The following CCDC180 variants were observed in gnomAD, a reference collection of about 807,000 sequenced individuals.
CCDC180 encodes coiled-coil domain containing 180.
A neutral mutation model predicts 209.2 loss-of-function variants in CCDC180; 154 were observed. The ratio of observed to expected loss-of-function variants is 0.74; its 90% confidence interval spans 0.65 to 0.84. The LOEUF (loss-of-function observed/expected upper bound fraction) is 0.84. CCDC180 is among the 40% of genes least tolerant of loss of function. The pLI, the probability that CCDC180 is intolerant of heterozygous loss-of-function variation, is 0.00. For missense variants in CCDC180, 1,874 were observed against 1,997.3 expected, an observed-to-expected ratio of 0.94 and a Z score of 1.18; for synonymous variants, 778 against 749.1, an observed-to-expected ratio of 1.04 and a Z score of -0.63.
chr9:97,318,498 C>T lies in CCDC180; in HGVS notation c.995C>T (p.Pro332Leu), dbSNP rs200586749. The change falls in exon 10 of 37, where the codon CCG (proline) becomes CTG (leucine). Residue 332 changes from proline (P) to leucine (L), a missense_variant. Physicochemically the swap from Pro to Leu is moderately conservative, Grantham distance 98. Transcript: ENST00000529487. Reference protein sequence around the residue: ...FMASESIHTPPAVTKELEVML... With the variant: ...FMASESIHTPLAVTKELEVML... ...GCCAGTGAGAGTATCCATACTCCCC[C>T]GGCTGTGACGAAGGAGCTAGAGGTC... 1,294 of 1,613,744 alleles carry T rather than the reference C, an allele frequency of 8.0e-4. 6 individuals are homozygous for T. Among genetic ancestry groups the T allele is most frequent in the Middle Eastern group, 5.0e-4 (3 of 6,060 alleles).
chr9:97,313,486 C>CT, intron 5 of CCDC180, 141 bp downstream of exon 5: 1 of 562,918 alleles, frequency 1.8e-6, no homozygotes, highest in African/African-American at 1.9e-5. Flanking sequence ...GGAACCCTCT[C>CT]TGAGTGCCTG....
chr9:97,348,088 C>T (rs1305334793), intron 20 of CCDC180, among the ~76,000 whole-genome samples: 1 of 143,850 alleles, frequency 7.0e-6, no homozygotes, highest in Non-Finnish European at 1.5e-5. Flanking sequence ...ATGCATTTCA[C>T]ACCTATGTGG....
rs374087551 is a variant in CCDC180, at chr9:97,375,559, G to T, written c.4812G>T (p.Ala1604=). ...CCAAAACCACCCTGGGCCACCTGGC[G>T]GCCGTGGAAGCCCGAGATGCTGTGT... The part of the protein sequence containing the change: ...STTKTTLGHL[A]AVEARDAVYL... Residue 1604 remains alanine, a synonymous_variant, in exon 36 of 37, where the codon GCG becomes GCT. Transcript: ENST00000529487. The T allele has an allele frequency of 1.2e-6, 2 of 1,614,228 alleles. No individual in the cohort carries two copies.
At position 97,309,437 on chromosome 9, in the gene CCDC180, G is replaced by A. The variant is rs759190211; in HGVS notation, c.93G>A (p.Ala31=). 1.1e-5 allele frequency: 17 copies of A among 1,600,096 alleles called. No homozygotes were observed. Among genetic ancestry groups the A allele is most frequent in the Admixed American group, 1.7e-5 (1 of 57,980 alleles). Residue 31 remains alanine (A), a synonymous_variant, in exon 3 of 37, where the codon GCG becomes GCA. Transcript: ENST00000529487. ...QAEVQLVHSL[A]ATRKRAAERS... ...AGGTGCAGCTGGTCCACTCCCTGGC[G>A]GCCACCAGGAAGCGGGCTGCAGAGC...
chr9:97,350,236 A>C (rs1481880341), intron 21 of CCDC180, among the ~76,000 whole-genome samples, 173 bp from the exon 22 acceptor site: 2 of 119,310 alleles, frequency 1.7e-5, no homozygotes, highest in Admixed American at 8.6e-5. Flanking sequence ...TGCCCCTCCC[A>C]TGTCCCCAGG....
chr9:97,376,724 C>G (rs1025608035), intron 36 of CCDC180, 39 bp from the exon 37 acceptor site: 2 of 1,600,676 alleles, frequency 1.2e-6, no homozygotes, highest in Non-Finnish European at 8.5e-7. Context: ...GTCCAGATGT[C>G]TCTCCTCATG....
Position 97,318,933 on chromosome 9 carries a change from T to C in CCDC180, c.1079+351T>C, listed in dbSNP as rs138949305. Among the ~76,000 whole-genome samples the C allele has an allele frequency of 1.8e-3, 274 of 152,254 alleles. 5 individuals are homozygous for C. Among genetic ancestry groups the C allele is most frequent in the South Asian group, 4.4e-3 (21 of 4,814 alleles). On this transcript the variant is annotated intron_variant, in intron 10 of 36. Coordinates refer to ENST00000529487, the MANE Select transcript of CCDC180 (RefSeq NM_020893.6). The stretch of plus-strand genomic sequence containing the variant: ...GGGAGCAGAGTGGCTCCATGAGCTT[T>C]GCAGTTTGGAGGTATGTGTCAGAGG...
chr9:97,371,814 A>T, intron 34 of CCDC180, 108 bp downstream of exon 34: 1 of 587,038 alleles, frequency 1.7e-6, no homozygotes, highest in Non-Finnish European at 3.0e-6. Context: ...CAAGTGATCC[A>T]TTGAGGGGAC....
Position 97,354,577 on chromosome 9 carries a change from C to T in CCDC180, c.3011C>T (p.Ser1004Leu). The T allele has an allele frequency of 6.2e-7, 1 of 1,614,068 alleles. No homozygotes were observed. The highest frequency in any genetic ancestry group is 8.5e-7 in the Non-Finnish European group (1 of 1,179,960). Residue 1004 changes from serine to leucine, a missense_variant, in exon 23 of 37, where the codon TCA becomes TTA. By Grantham distance (145) the Ser-to-Leu change is moderately radical. Coordinates refer to ENST00000529487, the MANE Select transcript of CCDC180 (RefSeq NM_020893.6). ...TCTTTGATTATTTTCAGATTGTTTT[C>T]AGAGGGAGGCAACTTTTCTCCTAAA... ...IEFIKHCRLF[S>L]EGGNFSPKEI...
chr9:97,365,826 A>C (rs1221841060), intron 30 of CCDC180, 87 bp downstream of exon 30: 30 of 1,203,266 alleles, frequency 2.5e-5, no homozygotes, highest in Non-Finnish European at 3.6e-5. Context: ...TTGGGGGAAA[A>C]TGAGGAAGAG....
intron 18 of CCDC180, among the ~76,000 whole-genome samples, chr9:97,337,706 T>A (rs34148016): frequency 0.23 from 34,550 of 152,170 alleles, 4,746 homozygotes; most frequent in Non-Finnish European, 0.31. Context: ...TTCCCTCCTT[T>A]TCTATTGATT....
intron 20 of CCDC180, among the ~76,000 whole-genome samples, chr9:97,347,881 G>A (rs1257130654): frequency 6.6e-6 from 1 of 152,066 alleles, no homozygotes; most frequent in African/African-American, 2.4e-5. Context: ...TCCTGTGACC[G>A]TGTGACCCTA....
intron 13 of CCDC180, among the ~76,000 whole-genome samples, chr9:97,324,433 C>T (rs1833460925): frequency 1.3e-5 from 2 of 152,228 alleles, no homozygotes; most frequent in Non-Finnish European, 2.9e-5. Context: ...CATTAAATAT[C>T]TTCTTTTGAT....
chr9:97,359,409 C>A (rs1399310175), intron 25 of CCDC180, among the ~76,000 whole-genome samples: 1 of 152,132 alleles, frequency 6.6e-6, no homozygotes. Flanking sequence ...AGGAGGCTGG[C>A]TGGACAGTCT....
chr9:97,325,103 G>A lies in CCDC180; in HGVS notation c.1456G>A (p.Glu486Lys). The change falls in exon 14 of 37, where the codon GAG becomes AAG. Residue 486 changes from glutamate (E) to lysine (K), a missense_variant. Coordinates refer to ENST00000529487, the MANE Select transcript of CCDC180 (RefSeq NM_020893.6). ...TTTCCAGGAGGTGGTACAACTGTGG[G>A]AGGCACACCAGAGCGAGCTGTTGGT... is the stretch of plus-strand genomic sequence containing the variant. ...KYFQEVVQLW[E>K]AHQSELLVQE... 6.2e-7 allele frequency: 1 copy of A among 1,613,942 alleles called. No homozygotes were observed. The highest frequency in any genetic ancestry group is 8.5e-7 in the Non-Finnish European group (1 of 1,179,976).
chr9:97,311,868 C>T (rs1832996068), intron 3 of CCDC180, among the ~76,000 whole-genome samples: 1 of 152,162 alleles, frequency 6.6e-6, no homozygotes, highest in Non-Finnish European at 1.5e-5. Context: ...CCAGAGCAAG[C>T]TCCCTGAGGG....
At chr9:97,310,804 A>T (rs1832959108) in intron 3 of CCDC180, among the ~76,000 whole-genome samples, 1 of 152,106 alleles carries the variant, frequency 6.6e-6, no homozygotes, top group African/African-American at 2.4e-5. Flanking sequence ...CTCCCAACAG[A>T]TAGAAAAATC....
At chr9:97,329,251 A>C (rs879907458) in intron 16 of CCDC180, among the ~76,000 whole-genome samples, 2 of 152,250 alleles carry the variant, frequency 1.3e-5, no homozygotes, top group Non-Finnish European at 2.9e-5. Flanking sequence ...GGTTAAAGGT[A>C]TAGGCACCAT....
At chr9:97,331,486 A>G (rs1382427142) in intron 18 of CCDC180, among the ~76,000 whole-genome samples, 1 of 152,090 alleles carries the variant, frequency 6.6e-6, no homozygotes, top group African/African-American at 2.4e-5. Context: ...AAGTTCTTTG[A>G]GAAATTGCCA....
Sources: gnomAD v4.1 joint callset for allele counts (sites outside exome capture counted in the v4.1 genomes callset) on GRCh38, gnomAD v4.1.1 for gene constraint, MANE v1.5 for transcripts, NCBI Gene and HGNC (gene_info 2026-07-23, HGNC 2026-07-21) for gene names.